FIRRM: variants seen among roughly 807,000 people sequenced by gnomAD.
The protein encoded by FIRRM is FIGNL1-interacting regulator of recombination and mitosis.
At chr1:169,828,923 G>A in the FIRRM span, among the ~76,000 whole-genome samples, 2 of 151,956 alleles carry the variant, frequency 1.3e-5, no homozygotes, top group African/African-American at 4.8e-5. Flanking sequence ...ATGACTCCTC[G>A]TCTGCTACTT....
the FIRRM span, among the ~76,000 whole-genome samples, chr1:169,798,561 T>C: frequency 0.7 from 106,717 of 151,768 alleles, 37,712 homozygotes; most frequent in Middle Eastern, 0.85. Context: ...GCCACCCCAC[T>C]TGGCCCCGAG....
chr1:169,800,420 A>G, the FIRRM span, among the ~76,000 whole-genome samples: 1 of 152,212 alleles, frequency 6.6e-6, no homozygotes, highest in Non-Finnish European at 1.5e-5. Flanking sequence ...AATATGAAAC[A>G]TATAGAAAAA....
chr1:169,802,764 C>A, the FIRRM span: 1 of 1,310,364 alleles, frequency 7.6e-7, no homozygotes, highest in South Asian at 1.2e-5. Context: ...AGAGAGGGAG[C>A]TTAAAGAATG....
the FIRRM span, among the ~76,000 whole-genome samples, chr1:169,819,166 A>G: frequency 6.6e-6 from 1 of 152,220 alleles, no homozygotes; most frequent in East Asian, 1.9e-4. Flanking sequence ...GAGAAACACT[A>G]TAGAAAAAGG....
chr1:169,826,927 CTT>C, the FIRRM span: 1 of 818,702 alleles, frequency 1.2e-6, no homozygotes, highest in Non-Finnish European at 1.8e-6. Context: ...AAAATGCACA[CTT>C]ATTTTTAAAA....
At chr1:169,825,729 C>T in the FIRRM span, among the ~76,000 whole-genome samples, 1 of 152,156 alleles carries the variant, frequency 6.6e-6, no homozygotes, top group African/African-American at 2.4e-5. Flanking sequence ...GAACCAAAGT[C>T]ATGTAACTAA....
chr1:169,829,227 T>C, the FIRRM span: 1 of 1,467,210 alleles, frequency 6.8e-7, no homozygotes, highest in Non-Finnish European at 9.1e-7. Context: ...GTAAATGTTA[T>C]TAATGTTGGG....
the FIRRM span, chr1:169,853,479 T>C: frequency 5.2e-5 from 25 of 479,496 alleles, no homozygotes; most frequent in East Asian, 6.1e-4. Context: ...CTCAGTCAAA[T>C]GCACAAAGGC....
chr1:169,840,921 G>A, the FIRRM span, among the ~76,000 whole-genome samples: 14 of 152,160 alleles, frequency 9.2e-5, no homozygotes, highest in South Asian at 2.1e-4. Flanking sequence ...TCTTCTTTTC[G>A]TACTTGTGTG....
chr1:169,817,210 T>A, the FIRRM span, among the ~76,000 whole-genome samples: 1 of 152,194 alleles, frequency 6.6e-6, no homozygotes, highest in Non-Finnish European at 1.5e-5. Flanking sequence ...ACTCCATCTC[T>A]TCATGAGAGT....
chr1:169,852,720 C>T, the FIRRM span: 1 of 1,504,964 alleles, frequency 6.6e-7, no homozygotes, highest in Non-Finnish European at 9.2e-7. Context: ...GTAAGCTTTA[C>T]TCCAGTCCAA....
the FIRRM span, chr1:169,805,982 G>A: frequency 1.6e-5 from 24 of 1,486,474 alleles, no homozygotes; most frequent in Non-Finnish European, 2.1e-5. Flanking sequence ...TGTCTTAAAA[G>A]TTCTGTTATC....
the FIRRM span, chr1:169,807,681 G>A: frequency 7.3e-6 from 7 of 965,488 alleles, no homozygotes; most frequent in South Asian, 2.2e-5. Context: ...GATATATGAT[G>A]CTTTTTGATT....
chr1:169,803,023 G>A, the FIRRM span: 1 of 717,334 alleles, frequency 1.4e-6, no homozygotes, highest in Middle Eastern at 2.5e-4. Flanking sequence ...TCCAGTATTT[G>A]TAGTTCTGAT....
At chr1:169,822,424 C>T in the FIRRM span, among the ~76,000 whole-genome samples, 2 of 152,192 alleles carry the variant, frequency 1.3e-5, no homozygotes, top group Non-Finnish European at 2.9e-5. Context: ...ATATCTTTTA[C>T]TAATAATGTT....
chr1:169,827,327 A>G, the FIRRM span: 9 of 845,994 alleles, frequency 1.1e-5, no homozygotes, highest in South Asian at 1.8e-4. Flanking sequence ...CTTTTCTTGA[A>G]ACATATTTCT....
At chr1:169,821,307 T>A in the FIRRM span, among the ~76,000 whole-genome samples, 6 of 152,210 alleles carry the variant, frequency 3.9e-5, no homozygotes, top group Non-Finnish European at 8.8e-5. Flanking sequence ...TATCATTCTT[T>A]CTTTGATTTG....
chr1:169,792,521 C>A, the FIRRM span: 1 of 1,376,420 alleles, frequency 7.3e-7, no homozygotes, highest in Non-Finnish European at 9.7e-7. Context: ...AGAAATCAAA[C>A]ACTCAAATTT....
chr1:169,800,088 G>A, the FIRRM span, among the ~76,000 whole-genome samples: 1 of 152,030 alleles, frequency 6.6e-6, no homozygotes, highest in Non-Finnish European at 1.5e-5. Context: ...GGAGTGTAGT[G>A]GTGCGAACAT....
Sources: gnomAD v4.1 joint callset for allele counts (sites outside exome capture counted in the v4.1 genomes callset) on GRCh38, gnomAD v4.1.1 for gene constraint, MANE v1.5 for transcripts, NCBI Gene and HGNC (gene_info 2026-07-23, HGNC 2026-07-21) for gene names.